The following RAP1GDS1 variants were observed in gnomAD, a reference collection of about 807,000 sequenced individuals.
RAP1GDS1 encodes Rap1 GTPase-GDP dissociation stimulator 1.
In RAP1GDS1, 35 loss-of-function variants were observed where a neutral mutation model predicts 71.1. The ratio of observed to expected loss-of-function variants is 0.49; its 90% confidence interval spans 0.38 to 0.65. The LOEUF (loss-of-function observed/expected upper bound fraction) is 0.65. RAP1GDS1 is among the 30% of genes least tolerant of loss of function. The pLI, the probability that RAP1GDS1 is intolerant of heterozygous loss-of-function variation, is 0.00. For missense variants in RAP1GDS1, 663 were observed against 706.1 expected (o/e 0.94, Z 0.69); for synonymous variants, 229 against 243.1 (o/e 0.94, Z 0.54).
chr4:98,279,500 CT>C (rs200362248), intron 1 of RAP1GDS1, among the ~76,000 whole-genome samples: 1,992 of 148,580 alleles, frequency 0.013, 39 homozygotes, highest in African/African-American at 0.046. Flanking sequence ...AGGAATTGAA[CT>C]TTTTTTTTGT....
At chr4:98,272,772 C>A (rs956979563) in intron 1 of RAP1GDS1, among the ~76,000 whole-genome samples, 1 of 152,066 alleles carries the variant, frequency 6.6e-6, no homozygotes, top group Non-Finnish European at 1.5e-5. Context: ...CTGGTCATCT[C>A]CAGTTGTATA....
At chr4:98,388,634 G>A (rs946682216) in intron 5 of RAP1GDS1, among the ~76,000 whole-genome samples, 2 of 152,234 alleles carry the variant, frequency 1.3e-5, no homozygotes, top group African/African-American at 2.4e-5. Context: ...GCTGAGGCAA[G>A]AGAAGTGCTT....
chr4:98,393,064 TA>T (rs1476376055), intron 6 of RAP1GDS1, among the ~76,000 whole-genome samples: 6 of 152,126 alleles, frequency 3.9e-5, no homozygotes, highest in Admixed American at 2.0e-4. Context: ...ATGTTAATAA[TA>T]AATTATTATG....
intron 3 of RAP1GDS1, among the ~76,000 whole-genome samples, chr4:98,348,122 C>G (rs867944420): frequency 9.2e-5 from 14 of 152,056 alleles, no homozygotes; most frequent in African/African-American, 3.4e-4. Flanking sequence ...CCCGTACCCC[C>G]ACCCCACAAC....
intron 4 of RAP1GDS1, among the ~76,000 whole-genome samples, chr4:98,364,392 G>C (rs1304340259): frequency 1.3e-5 from 2 of 152,070 alleles, no homozygotes; most frequent in Admixed American, 6.6e-5. Context: ...TGACTTATCA[G>C]AATCAACAGC....
At chr4:98,274,600 A>G (rs1439808582) in intron 1 of RAP1GDS1, among the ~76,000 whole-genome samples, 1 of 152,186 alleles carries the variant, frequency 6.6e-6, no homozygotes, top group African/African-American at 2.4e-5. Flanking sequence ...ATCAGTTGCA[A>G]CACATCTTAA....
At chr4:98,298,194 T>G (rs1728062197) in intron 2 of RAP1GDS1, among the ~76,000 whole-genome samples, 1 of 152,216 alleles carries the variant, frequency 6.6e-6, no homozygotes, top group Admixed American at 6.5e-5. Flanking sequence ...AGAAGTCATC[T>G]TCACAACACT....
chr4:98,316,715 A>G (rs768103675), intron 2 of RAP1GDS1, among the ~76,000 whole-genome samples: 6 of 152,176 alleles, frequency 3.9e-5, no homozygotes, highest in Non-Finnish European at 8.8e-5. Flanking sequence ...AGAAAATACA[A>G]CTTTAGCTCC....
At chr4:98,312,687 A>C (rs893602553) in intron 2 of RAP1GDS1, among the ~76,000 whole-genome samples, 1 of 151,886 alleles carries the variant, frequency 6.6e-6, no homozygotes, top group African/African-American at 2.4e-5. Context: ...GTGTGTGTGC[A>C]TGTGTGTATG....
At chr4:98,328,951 G>T (rs72896325) in intron 2 of RAP1GDS1, among the ~76,000 whole-genome samples, 1,905 of 152,334 alleles carry the variant, frequency 0.013, 43 homozygotes, top group African/African-American at 0.044. Flanking sequence ...GCAGATTTTA[G>T]ATTTTACCTA....
At position 98,319,826 on chromosome 4, in the gene RAP1GDS1, A is replaced by G. The variant is rs183179210; in HGVS notation, c.113-23313A>G. ...AGAGAAATTGGCGTTTGAACTACAC[A>G]GGTCCTCTTATAAGCAGATTCTTTT... On this transcript the variant is annotated intron_variant, in intron 2 of 14. Transcript: ENST00000408927. Among the ~76,000 whole-genome samples the G allele has an allele frequency of 4.6e-3, 687 of 150,506 alleles. 4 individuals carry two copies. The highest frequency in any genetic ancestry group is 8.1e-3 in the Non-Finnish European group (547 of 67,762).
rs1226326098 is a variant in RAP1GDS1 at position 98,429,256 on chromosome 4, CAAAAAAA to C, written c.1441-4669_1441-4663del. On this transcript the variant is annotated intron_variant, in intron 12 of 14. Transcript: ENST00000408927. ...CTGGGTAACAGTGCAAGACGTGTCTCAAAAAAAAAAAAAAAAAGAAAAGAAACTATGA... is the reference window on the plus strand; with the variant it reads ...CTGGGTAACAGTGCAAGACGTGTCTCAAAAAAAAAAGAAAAGAAACTATGA... Among the ~76,000 whole-genome samples the C allele has an allele frequency of 2.6e-4, 18 of 68,386 alleles. No homozygotes were observed. The South Asian group carries it at 7.8e-3, about 30-fold the overall frequency. 44.9% of individuals were successfully genotyped at this position (68,386 alleles called of 152,430 possible).
Position 98,442,239 on chromosome 4 carries a change from T to C in RAP1GDS1, c.*122T>C, listed in dbSNP as rs1751976364. 2.2e-6 allele frequency: 3 copies of C among 1,350,848 alleles called. No individual in the cohort carries two copies. Among genetic ancestry groups the C allele is most frequent in the African/African-American group, 2.9e-5 (2 of 68,812 alleles). 83.7% of individuals were successfully genotyped at this position (1,350,848 alleles called of 1,614,324 possible). A position where few individuals can be genotyped will look rare whatever the true frequency, so the allele number is the denominator to read the frequency against. ...CATGCATGTGATGTTCTAATACCAA[T>C]TGAAGAACCGCTGTAGGTACCTCCC... is the stretch of plus-strand genomic sequence containing the variant. On this transcript the variant is annotated 3_prime_UTR_variant, in exon 15 of 15. Coordinates refer to ENST00000408927, the MANE Select transcript of RAP1GDS1 (RefSeq NM_001100427.2).
intron 2 of RAP1GDS1, among the ~76,000 whole-genome samples, chr4:98,313,272 A>G (rs1417577618): frequency 2.0e-5 from 3 of 152,082 alleles, no homozygotes; most frequent in African/African-American, 7.2e-5. Context: ...TCTTCAACTG[A>G]TAGGGCACAA....
Position 98,346,563 on chromosome 4 carries a change from T to A in RAP1GDS1, c.235+3302T>A, listed in dbSNP as rs543315596. Among the ~76,000 whole-genome samples, 41 of 151,942 alleles carry A rather than the reference T, an allele frequency of 2.7e-4. 1 individual carries two copies. The highest frequency in any genetic ancestry group is 5.2e-4 in the Admixed American group (8 of 15,242). ...TTTTGTAAGAATGATTATTTATTTTTTTTTTTTTTGAGAGGGAGTCGCCCA... is the reference window on the plus strand; with the variant it reads ...TTTTGTAAGAATGATTATTTATTTTATTTTTTTTTGAGAGGGAGTCGCCCA... On this transcript the variant is annotated intron_variant, in intron 3 of 14. Transcript: ENST00000408927.
intron 10 of RAP1GDS1, 47 bp from the exon 11 acceptor site, chr4:98,419,972 A>T (rs1484770439): frequency 6.7e-7 from 1 of 1,493,498 alleles, no homozygotes; most frequent in Non-Finnish European, 9.1e-7. Context: ...ATGTTTATCA[A>T]CAGGAATGCT....
At chr4:98,371,716 C>A (rs917665287) in intron 4 of RAP1GDS1, among the ~76,000 whole-genome samples, 52 of 152,136 alleles carry the variant, frequency 3.4e-4, no homozygotes, top group African/African-American at 1.2e-3. Context: ...CCTTGGCTTC[C>A]CAAAGTGCTG....
At chr4:98,415,697 T>G (rs548417092) in intron 7 of RAP1GDS1, among the ~76,000 whole-genome samples, 2 of 152,314 alleles carry the variant, frequency 1.3e-5, no homozygotes, top group African/African-American at 4.8e-5. Context: ...AGATCAGTTT[T>G]AAAAATGTAA....
chr4:98,366,665 C>A (rs985700713), intron 4 of RAP1GDS1, among the ~76,000 whole-genome samples: 2 of 152,042 alleles, frequency 1.3e-5, no homozygotes, highest in Non-Finnish European at 2.9e-5. Flanking sequence ...CTGAGGTGGT[C>A]TCAGATAGAA....
Sources: allele counts gnomAD v4.1 joint callset (sites outside exome capture counted in the v4.1 genomes callset), GRCh38; gene constraint gnomAD v4.1.1; transcripts MANE v1.5; gene names NCBI Gene and HGNC (gene_info 2026-07-23, HGNC 2026-07-21).